Variants in PRKRIP1 observed in about 807,000 individuals in gnomAD.
The protein encoded by PRKRIP1 is PRKR-interacting protein 1.
Under a neutral mutation model 29.3 loss-of-function variants are expected in PRKRIP1, and 29 were observed. The observed-to-expected ratio is 0.99, with a 90% CI of 0.74 to 1.35. PRKRIP1 has a LOEUF of 1.35. PRKRIP1 is among the 40% of genes most tolerant of loss of function. PRKRIP1 has a pLI of 0.00. For synonymous variants in PRKRIP1, 90 were observed against 85.1 expected, an observed-to-expected ratio of 1.06 and a Z score of -0.32; for missense variants, 247 against 236.8, an observed-to-expected ratio of 1.04 and a Z score of -0.28.
intron 4 of PRKRIP1, among the ~76,000 whole-genome samples, chr7:102,406,717 T>C (rs1796232397): frequency 2.0e-5 from 3 of 152,194 alleles, no homozygotes; most frequent in Admixed American, 6.6e-5. Flanking sequence ...GTACATTCAT[T>C]GGCAGTTCCT....
At chr7:102,403,452 A>G (rs1179462795) in intron 3 of PRKRIP1, among the ~76,000 whole-genome samples, 2 of 152,308 alleles carry the variant, frequency 1.3e-5, no homozygotes, top group Middle Eastern at 3.4e-3. Flanking sequence ...ACTGGAAGAA[A>G]CAAGAGATGA....
chr7:102,420,701 A>T (rs995103451), intron 5 of PRKRIP1, among the ~76,000 whole-genome samples: 31 of 152,146 alleles, frequency 2.0e-4, no homozygotes, highest in South Asian at 4.1e-4. Flanking sequence ...TATTAGTGAG[A>T]TACAGGTTGA....
chr7:102,401,541 C>G (rs1269434777), intron 3 of PRKRIP1, among the ~76,000 whole-genome samples: 1 of 152,136 alleles, frequency 6.6e-6, no homozygotes. Context: ...CAAGACCAGC[C>G]TGGCCAACAT....
chr7:102,406,925 G>C (rs1398732490), intron 4 of PRKRIP1, among the ~76,000 whole-genome samples: 1 of 150,850 alleles, frequency 6.6e-6, no homozygotes, highest in Admixed American at 6.6e-5. Context: ...ATCTATTTAA[G>C]AATATATAGG....
At chr7:102,410,700 T>C (rs1378893320) in intron 5 of PRKRIP1, among the ~76,000 whole-genome samples, 1 of 152,136 alleles carries the variant, frequency 6.6e-6, no homozygotes, top group African/African-American at 2.4e-5. Flanking sequence ...AAAAAGTTGA[T>C]TTTTAGGATT....
chr7:102,422,683 G>A (rs1796726390), intron 5 of PRKRIP1, among the ~76,000 whole-genome samples: 1 of 151,972 alleles, frequency 6.6e-6, no homozygotes, highest in African/African-American at 2.4e-5. Context: ...CACCATGTTG[G>A]CCAGGCTGGT....
intron 5 of PRKRIP1, among the ~76,000 whole-genome samples, chr7:102,421,135 G>A (rs770295012): frequency 1.2e-4 from 18 of 152,206 alleles, no homozygotes; most frequent in Non-Finnish European, 1.9e-4. Flanking sequence ...AAAAGAGGAA[G>A]CATTTGTGTT....
At chr7:102,403,325 T>C (rs1796122026) in intron 3 of PRKRIP1, among the ~76,000 whole-genome samples, 1 of 152,238 alleles carries the variant, frequency 6.6e-6, no homozygotes, top group Admixed American at 6.5e-5. Flanking sequence ...TTGGTTTCTG[T>C]GCCACTGTAA....
chr7:102,409,366 C>T (rs1309297094), intron 5 of PRKRIP1, among the ~76,000 whole-genome samples: 3 of 152,120 alleles, frequency 2.0e-5, no homozygotes, highest in Non-Finnish European at 4.4e-5. Flanking sequence ...AACACTTTCC[C>T]CTCCACCGCA....
chr7:102,423,911 C>T (rs1796770444), intron 5 of PRKRIP1, among the ~76,000 whole-genome samples: 1 of 152,224 alleles, frequency 6.6e-6, no homozygotes, highest in Non-Finnish European at 1.5e-5. Flanking sequence ...ATCCATCCTC[C>T]TCAGCCTCCC....
At chr7:102,404,877 C>T (rs1668324647) in intron 4 of PRKRIP1, among the ~76,000 whole-genome samples, 194 bp downstream of exon 4, 1 of 151,944 alleles carries the variant, frequency 6.6e-6, no homozygotes, top group Admixed American at 6.6e-5. Context: ...CCAGAGCTTG[C>T]AAGTCAGGAC....
chr7:102,407,103 T>A (rs1364023295), intron 4 of PRKRIP1, among the ~76,000 whole-genome samples: 2 of 151,690 alleles, frequency 1.3e-5, no homozygotes, highest in Admixed American at 6.6e-5. Context: ...AGTCCCAGGC[T>A]ACTCAGGAGG....
chr7:102,424,625 C>T (rs1439371435), intron 5 of PRKRIP1, among the ~76,000 whole-genome samples: 12 of 152,200 alleles, frequency 7.9e-5, no homozygotes, highest in Admixed American at 4.6e-4. Context: ...CTTTTGCAGA[C>T]GGCAGTGAGA....
chr7:102,404,349 A>C, intron 3 of PRKRIP1: 1 of 417,300 alleles, frequency 2.4e-6, no homozygotes, highest in Non-Finnish European at 4.4e-6. Flanking sequence ...ATTGTCTCCT[A>C]TATTGTGCTA....
chr7:102,413,573 G>A (rs1482502317), intron 5 of PRKRIP1, among the ~76,000 whole-genome samples: 4 of 152,154 alleles, frequency 2.6e-5, no homozygotes, highest in African/African-American at 9.7e-5. Flanking sequence ...ACCAGTGTGG[G>A]CAACATAGCA....
chr7:102,423,139 G>A (rs782377766), intron 5 of PRKRIP1: 18 of 407,162 alleles, frequency 4.4e-5, no homozygotes, highest in South Asian at 2.9e-4. Context: ...TTTTGAGACA[G>A]AGTCTGCCTC....
chr7:102,404,816 A>T, intron 4 of PRKRIP1, 133 bp downstream of exon 4: 1 of 606,364 alleles, frequency 1.6e-6, no homozygotes, highest in South Asian at 2.3e-5. Context: ...GACTTCTACT[A>T]CCTGAGCAGA....
intron 2 of PRKRIP1, among the ~76,000 whole-genome samples, chr7:102,398,307 CAG>C (rs1427212132): frequency 5.9e-5 from 9 of 151,816 alleles, no homozygotes; most frequent in East Asian, 1.9e-4. Flanking sequence ...CTTTTGGAGA[CAG>C]AGTCTCACTC....
At chr7:102,417,984 TGG>T (rs1796598529) in intron 5 of PRKRIP1, among the ~76,000 whole-genome samples, 2 of 152,080 alleles carry the variant, frequency 1.3e-5, no homozygotes, top group South Asian at 4.2e-4. Flanking sequence ...GCCCTGGACC[TGG>T]GATCAGCCAT....
Sources: gnomAD v4.1 joint callset for allele counts (sites outside exome capture counted in the v4.1 genomes callset) on GRCh38, gnomAD v4.1.1 for gene constraint, MANE v1.5 for transcripts, NCBI Gene and HGNC (gene_info 2026-07-23, HGNC 2026-07-21) for gene names.